The following RAPGEF4 variants were observed in gnomAD, a reference collection of about 807,000 sequenced individuals.
RAPGEF4 encodes the protein RAP guanine-nucleotide-exchange factor (GEF) 4.
Under a neutral mutation model 147.9 loss-of-function variants are expected in RAPGEF4, and 66 were observed. The observed-to-expected ratio is 0.45, with a 90% CI of 0.37 to 0.55. RAPGEF4 has a LOEUF of 0.55. RAPGEF4 is among the 20% of genes least tolerant of loss of function. The pLI is 0.00. For synonymous variants in RAPGEF4, 419 were observed against 442.7 expected (o/e 0.95, Z 0.67); for missense variants, 1,071 against 1,257.3 (o/e 0.85, Z 2.24).
chr2:173,012,722 T>G (rs1247730798), intron 17 of RAPGEF4, among the ~76,000 whole-genome samples: 1 of 152,190 alleles, frequency 6.6e-6, no homozygotes, highest in Non-Finnish European at 1.5e-5. Flanking sequence ...CAATATCACA[T>G]AGCTAAATGG....
chr2:173,026,811 T>A, intron 24 of RAPGEF4, 114 bp downstream of exon 24: 1 of 1,384,406 alleles, frequency 7.2e-7, no homozygotes, highest in Admixed American at 2.3e-5. Context: ...ACATGACCAT[T>A]TTTTTGCATA....
At chr2:172,846,100 C>T (rs192505738) in intron 4 of RAPGEF4, among the ~76,000 whole-genome samples, 114 of 152,298 alleles carry the variant, frequency 7.5e-4, no homozygotes, top group African/African-American at 2.6e-3. Context: ...TTGAGGTGTA[C>T]TTTATATATC....
In RAPGEF4 at chr2:172,908,343, GGT is replaced by G. The variant is rs751928669; in HGVS notation, c.445-9458_445-9457del. 1.4e-3 allele frequency among the ~76,000 whole-genome samples: 215 copies of G among 152,182 alleles called. 1 individual carries two copies. The highest frequency in any genetic ancestry group is 2.7e-3 in the Non-Finnish European group (181 of 68,028). ...TCTCACATCCCTTTCTGCTCTGCTG[GGT>G]CCCACACTGGGTGTCTGCACACCTC... On this transcript the variant is annotated intron_variant, in intron 4 of 30. Transcript: ENST00000397081.
At chr2:173,037,574 T>C (rs984713117) in intron 29 of RAPGEF4, among the ~76,000 whole-genome samples, 15 of 152,230 alleles carry the variant, frequency 9.9e-5, no homozygotes, top group Admixed American at 9.8e-4. Context: ...TTTAGCTGCA[T>C]AGTGCATGCT....
chr2:173,018,510 A>T, intron 21 of RAPGEF4, 146 bp from the exon 22 acceptor site: 1 of 781,270 alleles, frequency 1.3e-6, no homozygotes. Context: ...AGGGGCAGGA[A>T]TAGGGGTAAA....
chr2:172,882,410 A>G (rs535568460), intron 4 of RAPGEF4, among the ~76,000 whole-genome samples: 71 of 152,252 alleles, frequency 4.7e-4, no homozygotes, highest in African/African-American at 1.7e-3. Context: ...GGCCTGTTTA[A>G]CTCTGTTGTT....
rs1686500822 is a variant in RAPGEF4, at chr2:172,797,537, G to T, written c.221G>T (p.Gly74Val). The change falls in exon 3 of 31, where the codon GGT (glycine) becomes GTT (valine). Residue 74 changes from glycine (G) to valine (V), a missense_variant. Physicochemically the swap from Gly to Val is moderately radical, Grantham distance 109. Transcript: ENST00000397081. ...TTTTTTTTCCCAGTATTTCGCCAGG[G>T]TGATATTGGAACAAACTGGTATGCT... ...LEKGITLFRQ[G>V]DIGTNWYAVL... The T allele has an allele frequency of 6.2e-7, 1 of 1,613,244 alleles. No individual in the cohort carries two copies.
intron 4 of RAPGEF4, among the ~76,000 whole-genome samples, chr2:172,887,173 G>A (rs1417174769): frequency 3.6e-5 from 5 of 139,664 alleles, no homozygotes; most frequent in Middle Eastern, 4.2e-3. Flanking sequence ...CGGCCTGGGC[G>A]ACAGAGCGAG....
chr2:172,804,097 A>G (rs756257446), intron 3 of RAPGEF4, among the ~76,000 whole-genome samples: 2 of 152,134 alleles, frequency 1.3e-5, no homozygotes, highest in East Asian at 1.9e-4. Context: ...CTGTATCAGT[A>G]TGAGTGATTT....
intron 4 of RAPGEF4, among the ~76,000 whole-genome samples, chr2:172,899,823 A>G (rs901402078): frequency 3.3e-5 from 5 of 152,172 alleles, no homozygotes; most frequent in African/African-American, 1.2e-4. Context: ...TCCTGTATGT[A>G]GGTATGGCAA....
At chr2:172,990,747 G>T in intron 14 of RAPGEF4, 63 bp from the exon 15 acceptor site, 1 of 1,226,662 alleles carries the variant, frequency 8.2e-7, no homozygotes, top group Non-Finnish European at 1.2e-6. Context: ...TGAAGCATTT[G>T]AAAATTTTTT....
chr2:172,922,099 G>T (rs756565287), intron 5 of RAPGEF4, among the ~76,000 whole-genome samples, 182 bp from the exon 6 acceptor site: 1 of 152,180 alleles, frequency 6.6e-6, no homozygotes, highest in Non-Finnish European at 1.5e-5. Flanking sequence ...CTGATTCATT[G>T]ATTTATTTAA....
chr2:172,744,039 G>A (rs561069636), intron 1 of RAPGEF4: 1 of 168,154 alleles, frequency 5.9e-6, no homozygotes, highest in Admixed American at 6.4e-5. Flanking sequence ...ATCTTTTTTA[G>A]CCCTGCTCCC....
intron 5 of RAPGEF4, among the ~76,000 whole-genome samples, chr2:172,920,305 A>G (rs1320909511): frequency 6.6e-6 from 1 of 152,186 alleles, no homozygotes; most frequent in Non-Finnish European, 1.5e-5. Flanking sequence ...TTTGAAAATA[A>G]GGACTTTTTC....
Position 172,985,505 on chromosome 2 carries a change from G to T in RAPGEF4, c.1150+12G>T. On this transcript the variant is annotated intron_variant, in intron 12 of 30. Coordinates refer to ENST00000397081, the MANE Select transcript of RAPGEF4 (RefSeq NM_007023.4). ...AGGAGGGACTGTGTGTAAGTGAAAA[G>T]CTGTACTGGAACCTTGCGCCTGGCC... is the stretch of plus-strand genomic sequence containing the variant. 2 of 1,613,062 alleles carry T rather than the reference G, an allele frequency of 1.2e-6. No individual in the cohort carries two copies. The highest frequency in any genetic ancestry group is 1.1e-5 in the South Asian group (1 of 90,866).
intron 1 of RAPGEF4, among the ~76,000 whole-genome samples, chr2:172,784,621 A>G (rs1685014020): frequency 6.6e-6 from 1 of 152,168 alleles, no homozygotes; most frequent in African/African-American, 2.4e-5. Flanking sequence ...ACATTGTTGG[A>G]AAAACTTGTA....
chr2:172,974,374 G>A (rs1036227678), intron 10 of RAPGEF4, among the ~76,000 whole-genome samples: 1 of 152,126 alleles, frequency 6.6e-6, no homozygotes, highest in Non-Finnish European at 1.5e-5. Context: ...AGGTGTCAGG[G>A]AAATCCAATT....
chr2:172,787,343 T>C (rs1023036862), intron 1 of RAPGEF4, among the ~76,000 whole-genome samples: 2 of 150,586 alleles, frequency 1.3e-5, no homozygotes. Flanking sequence ...CTTAAAATAA[T>C]TTTATGTCAG....
At chr2:172,984,661 TC>T (rs1168847669) in intron 11 of RAPGEF4, among the ~76,000 whole-genome samples, 2 of 152,130 alleles carry the variant, frequency 1.3e-5, no homozygotes, top group African/African-American at 4.8e-5. Flanking sequence ...TGGGAAGCCC[TC>T]ATATATACAG....
Sources: allele counts gnomAD v4.1 joint callset (sites outside exome capture counted in the v4.1 genomes callset), GRCh38; gene constraint gnomAD v4.1.1; transcripts MANE v1.5; gene names NCBI Gene and HGNC (gene_info 2026-07-23, HGNC 2026-07-21).